Variants in DOCK4 observed in about 807,000 individuals in gnomAD.
DOCK4 encodes the protein dedicator of cytokinesis protein 4.
DOCK4 carries 97 observed loss-of-function variants against 268.1 expected under a neutral mutation model. The observed-to-expected ratio is 0.36, with a 90% CI of 0.31 to 0.43. The LOEUF (loss-of-function observed/expected upper bound fraction) is 0.43, where lower values mean the gene tolerates loss of function less well. Ranked by LOEUF, DOCK4 falls within the 20% of genes least tolerant of loss-of-function variation. The pLI is 1.00. For synonymous variants in DOCK4, 954 were observed against 887.2 expected, an observed-to-expected ratio of 1.08 and a Z score of -1.34; for missense variants, 2,145 against 2,455.7, an observed-to-expected ratio of 0.87 and a Z score of 2.67.
chr7:112,033,317 A>C (rs1803451352), intron 1 of DOCK4, among the ~76,000 whole-genome samples: 1 of 152,128 alleles, frequency 6.6e-6, no homozygotes, highest in Admixed American at 6.5e-5. Context: ...AAAGGTGAAA[A>C]AGCACAAAAC....
In DOCK4 at chr7:111,746,372, C is replaced by G; in HGVS notation, c.4639G>C (p.Glu1547Gln). 1 of 1,613,044 alleles carries G rather than the reference C, an allele frequency of 6.2e-7. No individual in the cohort carries two copies. Among genetic ancestry groups the G allele is most frequent in the South Asian group, 1.1e-5 (1 of 90,740 alleles). The change falls in exon 44 of 53, where the codon GAG becomes CAG. Residue 1547 changes from glutamate to glutamine, a missense_variant. Glu to Gln is a conservative substitution (Grantham distance 29, BLOSUM62 2). Coordinates refer to ENST00000428084, the MANE Select transcript of DOCK4 (RefSeq NM_001363540.2). ...AGCTCTCTTAATCGTGCAATTTTCT[C>G]CCCATCTTCAGGGTGACTTAAGATA... ...EYILSHPEDG[E>Q]KIARLRELML... is the part of the protein sequence containing the mutation.
intron 31 of DOCK4, 54 bp from the exon 32 acceptor site, chr7:111,788,801 T>A: frequency 7.0e-7 from 1 of 1,438,236 alleles, no homozygotes; most frequent in Non-Finnish European, 9.6e-7. Flanking sequence ...GTAGGATTTC[T>A]AGGCAAGTTA....
intron 15 of DOCK4, among the ~76,000 whole-genome samples, chr7:111,899,694 G>A (rs1361277538): frequency 6.6e-6 from 1 of 152,102 alleles, no homozygotes; most frequent in East Asian, 1.9e-4. Flanking sequence ...AGGCCGAGGC[G>A]GGTGGATCAC....
intron 12 of DOCK4, among the ~76,000 whole-genome samples, chr7:111,929,070 A>G (rs1793974502): frequency 6.6e-6 from 1 of 152,194 alleles, no homozygotes; most frequent in Admixed American, 6.5e-5. Flanking sequence ...ATTTGTTCTC[A>G]GGCAGCTCAG....
chr7:112,052,667 C>T (rs1805468309), intron 1 of DOCK4, among the ~76,000 whole-genome samples: 2 of 152,086 alleles, frequency 1.3e-5, no homozygotes, highest in African/African-American at 4.8e-5. Context: ...AAAAGATTTG[C>T]TGCCTCCCAC....
chr7:111,929,460 A>T (rs1490774814), intron 12 of DOCK4, among the ~76,000 whole-genome samples: 1 of 152,210 alleles, frequency 6.6e-6, no homozygotes, highest in Non-Finnish European at 1.5e-5. Flanking sequence ...TAAATGTCTA[A>T]CCAATAGGTG....
chr7:111,976,177 T>TATATATATAC (rs1435347839), intron 8 of DOCK4, among the ~76,000 whole-genome samples: 8 of 89,156 alleles, frequency 9.0e-5, no homozygotes, highest in African/African-American at 4.2e-4. Flanking sequence ...TATATATATA[T>TATATATATAC]ACACACACAC....
At chr7:112,064,480 C>T (rs1424814198) in intron 1 of DOCK4, among the ~76,000 whole-genome samples, 1 of 152,206 alleles carries the variant, frequency 6.6e-6, no homozygotes, top group Non-Finnish European at 1.5e-5. Context: ...CTTACAATTC[C>T]TCCATCTGTA....
In DOCK4 at chr7:112,181,321, A is replaced by G. The variant is rs905639588; in HGVS notation, c.37+24781T>C. Reference sequence around the variant, plus strand: ...ATTATATGATTGTATATATTTACATATAAGTGCAAAATATTTTGAGGTAGC... The same window carrying G: ...ATTATATGATTGTATATATTTACATGTAAGTGCAAAATATTTTGAGGTAGC... On this transcript the variant is annotated intron_variant, in intron 1 of 52. Transcript: ENST00000428084. Among the ~76,000 whole-genome samples the G allele has an allele frequency of 2.6e-5, 4 of 152,278 alleles. No homozygotes were observed. In the East Asian group the frequency reaches 5.8e-4, roughly 22 times the overall value.
intron 1 of DOCK4, among the ~76,000 whole-genome samples, chr7:112,039,699 T>C (rs1475456146): frequency 6.6e-6 from 1 of 152,086 alleles, no homozygotes; most frequent in African/African-American, 2.4e-5. Flanking sequence ...ACTGCCAACA[T>C]TTAAGAATTA....
rs749038740 is a variant in DOCK4, at chr7:111,741,502, T to G, written c.4919+38A>C. ...GAACCATTCCAGATCAGCTTGCGGG[T>G]GAGGCCAAATTGTAAGATAATTTGG... is the stretch of plus-strand genomic sequence containing the variant. On this transcript the variant is annotated intron_variant, in intron 46 of 52. Coordinates refer to ENST00000428084, the MANE Select transcript of DOCK4 (RefSeq NM_001363540.2). 6.2e-6 allele frequency: 10 copies of G among 1,604,834 alleles called. No homozygotes were observed. The East Asian group carries it at 2.2e-4, about 36-fold the overall frequency.
intron 16 of DOCK4, among the ~76,000 whole-genome samples, chr7:111,894,152 G>A (rs1808525046): frequency 6.6e-6 from 1 of 151,558 alleles, no homozygotes; most frequent in Non-Finnish European, 1.5e-5. Flanking sequence ...AACCCGGGAG[G>A]CAGAGCTTGC....
chr7:112,142,338 T>C (rs1253693710), intron 1 of DOCK4, among the ~76,000 whole-genome samples: 1 of 152,176 alleles, frequency 6.6e-6, no homozygotes, highest in Non-Finnish European at 1.5e-5. Flanking sequence ...TATTGTATGT[T>C]AGGCTTGTAA....
intron 1 of DOCK4, among the ~76,000 whole-genome samples, chr7:112,137,825 C>T (rs1199587690): frequency 6.6e-6 from 1 of 152,176 alleles, no homozygotes; most frequent in African/African-American, 2.4e-5. Context: ...TGACTCACAC[C>T]TCTTTATAAT....
At chr7:111,784,067 A>G (rs1295924240) in intron 33 of DOCK4, 30 bp downstream of exon 33, 1 of 1,580,042 alleles carries the variant, frequency 6.3e-7, no homozygotes. Context: ...AACATCTCAC[A>G]AGTAGCACAA....
intron 1 of DOCK4, among the ~76,000 whole-genome samples, chr7:112,014,992 G>C (rs1801690104): frequency 6.6e-6 from 1 of 152,186 alleles, no homozygotes; most frequent in African/African-American, 2.4e-5. Flanking sequence ...ATATTGAACA[G>C]AGGCTGGGAA....
intron 23 of DOCK4, among the ~76,000 whole-genome samples, chr7:111,859,716 C>T (rs376893229): frequency 6.6e-5 from 10 of 151,128 alleles, no homozygotes; most frequent in East Asian, 3.9e-4. Context: ...TACAGGCGCC[C>T]GCCACTACGC....
chr7:111,844,944 G>C, intron 24 of DOCK4, 47 bp from the exon 25 acceptor site: 1 of 1,566,472 alleles, frequency 6.4e-7, no homozygotes, highest in African/African-American at 1.4e-5. Flanking sequence ...GGTTTAACAT[G>C]CATTTCAATC....
At chr7:112,089,663 C>T (rs1357796392) in intron 1 of DOCK4, among the ~76,000 whole-genome samples, 1 of 152,024 alleles carries the variant, frequency 6.6e-6, no homozygotes, top group Non-Finnish European at 1.5e-5. Flanking sequence ...GGATTTCCTC[C>T]TTATTGTTCT....
Sources: allele counts gnomAD v4.1 joint callset (sites outside exome capture counted in the v4.1 genomes callset), GRCh38; gene constraint gnomAD v4.1.1; transcripts MANE v1.5; gene names NCBI Gene and HGNC (gene_info 2026-07-23, HGNC 2026-07-21).